MYH16: variants seen among roughly 807,000 people sequenced by gnomAD.
MYH16 encodes the protein putative uncharacterized protein MYH16.
chr7:99,271,611 C>T (rs959512045), intron 19 of MYH16, among the ~76,000 whole-genome samples: 6 of 152,184 alleles, frequency 3.9e-5, no homozygotes, highest in African/African-American at 1.4e-4. Flanking sequence ...TTTACTGATA[C>T]CTAATAGCTA....
At chr7:99,239,861 G>A (rs1791645916) in intron 1 of MYH16, among the ~76,000 whole-genome samples, 1 of 152,060 alleles carries the variant, frequency 6.6e-6, no homozygotes, top group Non-Finnish European at 1.5e-5. Flanking sequence ...CTGACTATGA[G>A]ATATGACTTG....
Position 99,274,676 on chromosome 7 carries a change from T to G in MYH16, n.2485+1253T>G, listed in dbSNP as rs574007357. ...TTTCTTTACATTAATTCACTTTTTT[T>G]TTTTTTTTTTTTTTTGAGACGGAGT... On this transcript the variant is annotated intron_variant and non_coding_transcript_variant, in intron 20 of 41. Transcript: ENST00000439784. Among the ~76,000 whole-genome samples, 66 of 147,412 alleles carry G rather than the reference T, an allele frequency of 4.5e-4. No homozygotes were observed. In the East Asian group the frequency reaches 0.013, roughly 29 times the overall value.
At chr7:99,294,058 G>A (rs1019098682) in exon 33 of MYH16, 8 of 455,864 alleles carry the variant, frequency 1.8e-5, no homozygotes, top group Non-Finnish European at 3.1e-5. Context: ...AGAAGAAGCA[G>A]CTGAAACTGC....
chr7:99,253,441 A>T (rs531957361), intron 7 of MYH16: 2 of 152,248 alleles, frequency 1.3e-5, no homozygotes, highest in East Asian at 3.9e-4. Flanking sequence ...CTCTAAAAAT[A>T]ATAATAATAA....
At chr7:99,248,229 G>A (rs1791756705) in intron 3 of MYH16, among the ~76,000 whole-genome samples, 1 of 152,116 alleles carries the variant, frequency 6.6e-6, no homozygotes, top group South Asian at 2.1e-4. Flanking sequence ...AGCCTCCCAA[G>A]TAGCTGGGAT....
chr7:99,302,700 G>A (rs1002540551), intron 38 of MYH16, among the ~76,000 whole-genome samples: 26 of 152,000 alleles, frequency 1.7e-4, no homozygotes, highest in African/African-American at 6.0e-4. Context: ...AGGCAACATA[G>A]CCAGACTCTG....
chr7:99,282,545 T>C (rs1208231274), intron 23 of MYH16, among the ~76,000 whole-genome samples: 2 of 151,822 alleles, frequency 1.3e-5, no homozygotes, highest in African/African-American at 4.8e-5. Flanking sequence ...TGATCATGGC[T>C]CACTGCAGCT....
intron 2 of MYH16, chr7:99,247,555 A>T (rs1038760264): frequency 6.3e-6 from 1 of 157,682 alleles, no homozygotes; most frequent in African/African-American, 2.4e-5. Flanking sequence ...GGGTACCAGG[A>T]GGAAAAATCA....
chr7:99,256,027 A>G (rs1241896060), intron 9 of MYH16, among the ~76,000 whole-genome samples: 1 of 151,964 alleles, frequency 6.6e-6, no homozygotes, highest in African/African-American at 2.4e-5. Flanking sequence ...GACACTAAGC[A>G]CTCACAACTT....
intron 37 of MYH16, among the ~76,000 whole-genome samples, 197 bp from the exon 19 acceptor site, chr7:99,301,404 G>A (rs1792592752): frequency 2.0e-5 from 3 of 152,084 alleles, no homozygotes; most frequent in Admixed American, 2.0e-4. Flanking sequence ...CTGGGTCCTG[G>A]CCCTGCTGGG....
chr7:99,290,507 A>T lies in MYH16; in HGVS notation n.3825-816A>T, dbSNP rs1340575018. Among the ~76,000 whole-genome samples the T allele has an allele frequency of 4.0e-5, 6 of 149,112 alleles. No homozygotes were observed. The East Asian group carries it at 9.7e-4, about 24-fold the overall frequency. The stretch of plus-strand genomic sequence containing the variant: ...GTCTCAAAAAAAAAAAAAAAAAAAA[A>T]ATCAATATCCAGCCGTGTGCAGTGG... On this transcript the variant is annotated intron_variant and non_coding_transcript_variant, in intron 30 of 41. Transcript: ENST00000439784.
intron 20 of MYH16, among the ~76,000 whole-genome samples, chr7:99,276,235 T>A (rs1792110289): frequency 6.6e-6 from 1 of 152,228 alleles, no homozygotes; most frequent in African/African-American, 2.4e-5. Context: ...CATCTCAGAT[T>A]CTCAACAGCC....
chr7:99,296,572 A>G (rs2150832582), intron 33 of MYH16, 129 bp from the exon 15 acceptor site: 1 of 381,014 alleles, frequency 2.6e-6, no homozygotes, highest in Middle Eastern at 9.2e-4. Context: ...TTACATTCCA[A>G]TTCCCAAGGA....
chr7:99,285,096 G>A (rs994817812), intron 26 of MYH16, among the ~76,000 whole-genome samples, 161 bp downstream of exon 8: 2 of 152,152 alleles, frequency 1.3e-5, no homozygotes, highest in Non-Finnish European at 2.9e-5. Flanking sequence ...GGTGAAATCC[G>A]TACAATGGTT....
intron 32 of MYH16, among the ~76,000 whole-genome samples, chr7:99,292,821 A>G (rs960341551): frequency 6.6e-6 from 1 of 152,118 alleles, no homozygotes; most frequent in Non-Finnish European, 1.5e-5. Context: ...TTAGCCAGGC[A>G]TGGTGGCACG....
chr7:99,268,888 T>C (rs56210620), intron 18 of MYH16, among the ~76,000 whole-genome samples: 1,529 of 152,304 alleles, frequency 0.01, 21 homozygotes, highest in African/African-American at 0.035. Context: ...AGTTAGGTGC[T>C]GTACTCCCTG....
At chr7:99,263,996 C>A (rs2150812627) in intron 14 of MYH16, among the ~76,000 whole-genome samples, 1 of 152,316 alleles carries the variant, frequency 6.6e-6, no homozygotes, top group South Asian at 2.1e-4. Context: ...CAGTTTGTCA[C>A]CTTGCATCAG....
intron 1 of MYH16, among the ~76,000 whole-genome samples, chr7:99,241,217 G>A (rs541511123): frequency 6.6e-5 from 10 of 152,304 alleles, no homozygotes; most frequent in African/African-American, 1.9e-4. Flanking sequence ...CCATTCCTCT[G>A]CTGAAAGCGA....
intron 6 of MYH16, among the ~76,000 whole-genome samples, chr7:99,251,670 A>G (rs1014375372): frequency 6.6e-6 from 1 of 152,170 alleles, no homozygotes; most frequent in African/African-American, 2.4e-5. Context: ...GAAAATCTCC[A>G]TTAGCATAAA....
Sources: allele counts gnomAD v4.1 joint callset (sites outside exome capture counted in the v4.1 genomes callset), GRCh38; gene constraint gnomAD v4.1.1; transcripts MANE v1.5; gene names NCBI Gene and HGNC (gene_info 2026-07-23, HGNC 2026-07-21).